Variants in CEP126 observed in about 807,000 individuals in gnomAD.
CEP126 encodes the protein centrosomal protein 126.
CEP126 carries 74 observed loss-of-function variants against 107.8 expected under a neutral mutation model. That is an observed-to-expected ratio of 0.69 (90% confidence interval 0.57 to 0.83). The LOEUF (loss-of-function observed/expected upper bound fraction) is 0.83. Among genes scored for constraint, CEP126 ranks in the 40% least tolerant of loss-of-function variants. The probability of loss-of-function intolerance (pLI) is 0.00; values close to 1 mark genes in which losing one functional copy is unlikely to be tolerated. For missense variants in CEP126, 1,237 were observed against 1,281.9 expected (o/e 0.96, Z 0.53); for synonymous variants, 449 against 446.0 (o/e 1.01, Z -0.08).
intron 2 of CEP126, among the ~76,000 whole-genome samples, chr11:101,927,885 C>T (rs1940436122): frequency 6.6e-6 from 1 of 152,092 alleles, no homozygotes; most frequent in Non-Finnish European, 1.5e-5. Flanking sequence ...TTTGTATAAA[C>T]ATAAGCCTTT....
At chr11:101,970,705 C>A (rs1441926) in intron 6 of CEP126, among the ~76,000 whole-genome samples, 10,039 of 151,862 alleles carry the variant, frequency 0.066, 532 homozygotes, top group East Asian at 0.27. Context: ...TTAAACTGTC[C>A]CATTTTATAA....
chr11:101,930,458 C>T (rs1383145134), intron 2 of CEP126, among the ~76,000 whole-genome samples: 4 of 152,088 alleles, frequency 2.6e-5, no homozygotes, highest in South Asian at 2.1e-4. Context: ...GGAGTGAAGC[C>T]GCAGACCCTC....
intron 6 of CEP126, among the ~76,000 whole-genome samples, chr11:101,975,222 C>T (rs1264169501): frequency 6.6e-6 from 1 of 152,078 alleles, no homozygotes; most frequent in Non-Finnish European, 1.5e-5. Context: ...AACTGTGGGA[C>T]ATGACTCGTT....
rs970183559 is a variant in CEP126 at position 101,917,827 on chromosome 11, A to G, written c.128+2415A>G. Among the ~76,000 whole-genome samples, 3 of 152,254 alleles carry G rather than the reference A, an allele frequency of 2.0e-5. No individual in the cohort carries two copies. In the Middle Eastern group the frequency reaches 0.01, roughly 518 times the overall value. ...CTGCCTCAGCCACTCAATAACTACT[A>G]TAGTCCTGCTCCTTTACTCCTTCAT... On this transcript the variant is annotated intron_variant, in intron 1 of 10. Coordinates refer to ENST00000263468, the MANE Select transcript of CEP126 (RefSeq NM_020802.4).
At chr11:101,992,504 G>C (rs192645353) in intron 9 of CEP126, among the ~76,000 whole-genome samples, 2 of 151,926 alleles carry the variant, frequency 1.3e-5, no homozygotes, top group East Asian at 3.9e-4. Context: ...GAAAGAAAAC[G>C]TAATATTTGA....
rs146492196 is a variant in CEP126 at position 101,945,293 on chromosome 11, C to T, written c.394+883C>T. ...ACAGAAAATAAAAGGACATCCCAGG[C>T]GAAAGAACAGCTTGTACAAATAAAT... On this transcript the variant is annotated intron_variant, in intron 3 of 10. Coordinates refer to ENST00000263468, the MANE Select transcript of CEP126 (RefSeq NM_020802.4). Among the ~76,000 whole-genome samples, 498 of 151,726 alleles carry T rather than the reference C, an allele frequency of 3.3e-3. 1 individual carries two copies. Among genetic ancestry groups the T allele is most frequent in the Non-Finnish European group, 5.4e-3 (367 of 67,918 alleles).
intron 4 of CEP126, among the ~76,000 whole-genome samples, chr11:101,950,153 C>T (rs545459091): frequency 6.6e-6 from 1 of 152,112 alleles, no homozygotes; most frequent in South Asian, 2.1e-4. Context: ...TATTTCACAA[C>T]AAAAAAAGTT....
intron 4 of CEP126, chr11:101,956,776 T>TC (rs139058159): frequency 2.2e-6 from 1 of 450,354 alleles, no homozygotes; most frequent in East Asian, 7.0e-5. Flanking sequence ...CCTCTTCCTT[T>TC]CCCCCTATTC....
chr11:101,918,180 G>T (rs1005498153), intron 1 of CEP126, among the ~76,000 whole-genome samples: 37 of 152,242 alleles, frequency 2.4e-4, no homozygotes, highest in African/African-American at 7.9e-4. Context: ...GGGCCCAGTG[G>T]CTCACATCTG....
chr11:101,963,410 A>G lies in CEP126; in HGVS notation c.2375A>G (p.Gln792Arg). The stretch of plus-strand genomic sequence containing the variant: ...GCAAGCAAAGTCAACATATTTACAC[A>G]AGCTCAGGGAAAATTAATTATACCT... Reference protein sequence around the residue: ...QSASKVNIFTQAQGKLIIPCP... With the variant: ...QSASKVNIFTRAQGKLIIPCP... The change falls in exon 6 of 11, where the codon CAA (glutamine) becomes CGA (arginine). Residue 792 changes from glutamine to arginine, a missense_variant. Around this residue, in one of 3 missense-constraint regions of CEP126, gnomAD observed 1,134 missense variants for 1,150.5 expected, o/e 0.99. Transcript: ENST00000263468. 6.2e-7 allele frequency: 1 copy of G among 1,614,120 alleles called. No homozygotes were observed. Among genetic ancestry groups the G allele is most frequent in the Non-Finnish European group, 8.5e-7 (1 of 1,180,010 alleles).
intron 1 of CEP126, 151 bp downstream of exon 1, chr11:101,915,563 C>A: frequency 9.9e-7 from 1 of 1,011,264 alleles, no homozygotes; most frequent in Non-Finnish European, 1.4e-6. Context: ...TGTCGTGTCT[C>A]ACCTTAGACC....
intron 7 of CEP126, among the ~76,000 whole-genome samples, chr11:101,978,800 GAAAGT>G (rs1941222381): frequency 6.6e-6 from 1 of 152,122 alleles, no homozygotes; most frequent in Admixed American, 6.5e-5. Flanking sequence ...ACTTTAAAAA[GAAAGT>G]AAAGTAAATT....
intron 6 of CEP126, among the ~76,000 whole-genome samples, chr11:101,971,422 G>T (rs1478540127): frequency 6.6e-6 from 1 of 152,198 alleles, no homozygotes; most frequent in African/African-American, 2.4e-5. Flanking sequence ...GCAAGCTTCA[G>T]AATCATCCTG....
At chr11:101,938,305 A>G (rs1349138888) in intron 2 of CEP126, among the ~76,000 whole-genome samples, 1 of 150,616 alleles carries the variant, frequency 6.6e-6, no homozygotes, top group African/African-American at 2.4e-5. Context: ...TCATGATATT[A>G]TTAATTTTTG....
chr11:101,949,972 C>G (rs772191410), intron 4 of CEP126, among the ~76,000 whole-genome samples: 2 of 152,194 alleles, frequency 1.3e-5, no homozygotes, highest in Non-Finnish European at 1.5e-5. Context: ...AAACCTCTTT[C>G]TTCTGTCACC....
chr11:101,941,714 A>G (rs1365918069), intron 2 of CEP126, among the ~76,000 whole-genome samples: 1 of 152,178 alleles, frequency 6.6e-6, no homozygotes, highest in Non-Finnish European at 1.5e-5. Flanking sequence ...AAGAATCAGC[A>G]TACCAATTTC....
chr11:101,925,303 G>A (rs990915359), intron 2 of CEP126, among the ~76,000 whole-genome samples: 1 of 152,108 alleles, frequency 6.6e-6, no homozygotes, highest in Admixed American at 6.5e-5. Flanking sequence ...AAATAAACTG[G>A]CTTATTTCCT....
In CEP126 at chr11:101,962,746, G is replaced by C; in HGVS notation, c.1711G>C (p.Gly571Arg). The part of the protein sequence containing the change: ...KMKYNIHERN[G>R]VRFLKSILKK... ...GAAATACAACATCCATGAGAGAAAT[G>C]GTGTGAGATTTCTTAAAAGTATTTT... The change falls in exon 6 of 11, where the codon GGT becomes CGT. Residue 571 changes from glycine (G) to arginine (R), a missense_variant. This residue lies in a region of CEP126 where 1,134 missense variants were observed against 1,150.5 expected (regional missense o/e 0.99). Transcript: ENST00000263468. The C allele has an allele frequency of 3.3e-5, 53 of 1,609,444 alleles. No individual in the cohort carries two copies. The highest frequency in any genetic ancestry group is 4.5e-5 in the Non-Finnish European group (53 of 1,178,764).
chr11:101,920,495 CT>C, intron 1 of CEP126, among the ~76,000 whole-genome samples: 1 of 150,460 alleles, frequency 6.6e-6, no homozygotes, highest in African/African-American at 2.4e-5. Context: ...GCTGTTTGTT[CT>C]AAAAAAGACA....
Sources: allele counts gnomAD v4.1 joint callset (sites outside exome capture counted in the v4.1 genomes callset), GRCh38; gene constraint gnomAD v4.1.1; regional missense constraint gnomAD v4.1.1; transcripts MANE v1.5; gene names NCBI Gene and HGNC (gene_info 2026-07-23, HGNC 2026-07-21).